The following ARRDC2 variants were observed in gnomAD, a reference collection of about 807,000 sequenced individuals.
The protein encoded by ARRDC2 is arrestin domain-containing protein 2.
Under a neutral mutation model 38.9 loss-of-function variants are expected in ARRDC2, and 39 were observed. That is an observed-to-expected ratio of 1.00 (90% CI 0.78 to 1.31). The LOEUF (loss-of-function observed/expected upper bound fraction) is 1.31, where lower values mean the gene tolerates loss of function less well. Among genes scored for constraint, ARRDC2 ranks in the 50% most tolerant of loss-of-function variants. The pLI, the probability that ARRDC2 is intolerant of heterozygous loss-of-function variation, is 0.00. For missense variants in ARRDC2, 553 were observed against 588.4 expected, an observed-to-expected ratio of 0.94 and a Z score of 0.62; for synonymous variants, 300 against 261.9, an observed-to-expected ratio of 1.15 and a Z score of -1.41.
chr19:18,008,116 A>ACGCCC, upstream of ARRDC2: 630 of 522,462 alleles, frequency 1.2e-3, no homozygotes, highest in Non-Finnish European at 1.7e-3. Flanking sequence ...AGAGACGGTG[A>ACGCCC]CCCCACCCCC....
At position 18,009,008 on chromosome 19, in the gene ARRDC2, G is replaced by A. The variant is rs1232132787; in HGVS notation, c.379G>A (p.Val127Ile). The A allele has an allele frequency of 5.0e-6, 8 of 1,613,728 alleles. No homozygotes were observed. Among genetic ancestry groups the A allele is most frequent in the Non-Finnish European group, 6.8e-6 (8 of 1,180,008 alleles). ...VTSFEGKHGS[V>I]RYCIKATLHR... ...ATCCTTCGAGGGCAAACACGGTAGT[G>A]TCCGCTACTGTATCAAGGCCACCCT... The change falls in exon 3 of 8, where the codon GTC (valine) becomes ATC (isoleucine). Residue 127 changes from valine to isoleucine, a missense_variant. Physicochemically the swap from Val to Ile is conservative, Grantham distance 29. Transcript: ENST00000222250.
chr19:18,005,388 C>T (rs370576658), upstream of ARRDC2, among the ~76,000 whole-genome samples: 17 of 151,724 alleles, frequency 1.1e-4, no homozygotes, highest in East Asian at 1.4e-3. Context: ...CCATGTCTAC[C>T]TCTTTCTACA....
chr19:18,010,073 C>T (rs1324671839), intron 5 of ARRDC2, 34 bp downstream of exon 5: 15 of 1,604,764 alleles, frequency 9.3e-6, no homozygotes, highest in Non-Finnish European at 1.1e-5. Flanking sequence ...GGGACAGTGC[C>T]TACATTCACC....
At position 18,001,365 on chromosome 19, in the gene ARRDC2, G is replaced by C. The variant is rs1423645692; in HGVS notation, c.51G>C (p.Pro17=). Residue 17 remains proline (P), a synonymous_variant, in exon 1 of 8, where the codon CCG becomes CCC. Coordinates refer to the ARRDC2 transcript ENST00000379656. ...TCGCGCTGGAGCTGGCGCGGGGCCC[G>C]GGCGGCGCCTACCGCGGCGGGGAGC... 8.3e-6 allele frequency: 10 copies of C among 1,199,852 alleles called. No homozygotes were observed. The African/African-American group carries it at 9.5e-5, about 11-fold the overall frequency. The allele number at this position is 1,199,852 out of a possible 1,614,324, so 74.3% of individuals were successfully genotyped here.
intron 2 of ARRDC2, 29 bp from the exon 3 acceptor site, chr19:18,008,941 GT>G (rs1406566070): frequency 6.2e-7 from 1 of 1,611,466 alleles, no homozygotes; most frequent in Non-Finnish European, 8.5e-7. Flanking sequence ...TCTGTATCTT[GT>G]CCCCTGAAGT....
In ARRDC2 at chr19:18,009,059, C is replaced by G; in HGVS notation, c.430C>G (p.Arg144Gly). ...GCACCGGCCCTGGGTCCCAGCACGCCGGGCAAGGAAGGTGTTCACTGTCAT... is the reference window on the plus strand; with the variant it reads ...GCACCGGCCCTGGGTCCCAGCACGCGGGGCAAGGAAGGTGTTCACTGTCAT... ...TLHRPWVPARRARKVFTVIEP... is the reference protein window; with the variant it reads ...TLHRPWVPARGARKVFTVIEP... Residue 144 changes from arginine to glycine, a missense_variant, in exon 3 of 8, where the codon CGG becomes GGG. Coordinates refer to ENST00000222250, the MANE Select transcript of ARRDC2 (RefSeq NM_015683.2). 2 of 1,613,540 alleles carry G rather than the reference C, an allele frequency of 1.2e-6. No homozygotes were observed. Among genetic ancestry groups the G allele is most frequent in the South Asian group, 2.2e-5 (2 of 91,084 alleles).
intron 1 of ARRDC2, chr19:18,001,597 C>T (rs2033188052): frequency 4.6e-6 from 6 of 1,303,764 alleles, no homozygotes; most frequent in Non-Finnish European, 5.9e-6. Flanking sequence ...CGCGCCGCCC[C>T]CGCAGCAGCC....
At chr19:18,009,512 T>C in intron 3 of ARRDC2, 80 bp from the exon 4 acceptor site, 2 of 1,302,682 alleles carry the variant, frequency 1.5e-6, no homozygotes, top group South Asian at 1.4e-5. Flanking sequence ...CTCCCTCAGC[T>C]GGGGGTGGTT....
chr19:18,011,953 T>TATATATA lies in ARRDC2; in HGVS notation c.1171-960_1171-959insATATATA, dbSNP rs371727974. On this transcript the variant is annotated intron_variant, in intron 7 of 7. Coordinates refer to ENST00000222250, the MANE Select transcript of ARRDC2 (RefSeq NM_015683.2). Reference sequence around the variant, plus strand: ...ATATGTGTATATATATATATATATATTTTTTTTTTTTTTTTTTTTTTGAGA... The same window carrying TATATATA: ...ATATGTGTATATATATATATATATATATATATATTTTTTTTTTTTTTTTTTTTTGAGA... 3.9e-3 allele frequency among the ~76,000 whole-genome samples: 246 copies of TATATATA among 63,094 alleles called. 1 individual carries two copies. Among genetic ancestry groups the TATATATA allele is most frequent in the African/African-American group, 0.014 (211 of 14,816 alleles). The allele number at this position is 63,094 out of a possible 152,430, so 41.4% of individuals were successfully genotyped here. A position where few individuals can be genotyped will look rare whatever the true frequency, so the allele number is the denominator to read the frequency against.
At chr19:18,008,116 A>ACGCCCCCCCCCCCC, upstream of ARRDC2, 1 of 522,500 alleles carries the variant, frequency 1.9e-6, no homozygotes, top group Non-Finnish European at 2.9e-6. Flanking sequence ...AGAGACGGTG[A>ACGCCCCCCCCCCCC]CCCCACCCCC....
chr19:18,007,906 T>C (rs1030440036), upstream of ARRDC2: 1 of 299,838 alleles, frequency 3.3e-6, no homozygotes, highest in African/African-American at 2.3e-5. Flanking sequence ...GCCCTGCCTC[T>C]GCACCTCTTT....
upstream of ARRDC2, chr19:18,007,909 ACCTCTTTTTTT>A (rs1384677311): frequency 3.3e-6 from 1 of 299,902 alleles, no homozygotes; most frequent in African/African-American, 2.3e-5. Flanking sequence ...CTGCCTCTGC[ACCTCTTTTTTT>A]CCTCTTTACC....
chr19:18,002,900 C>T (rs150001890), intron 1 of ARRDC2, among the ~76,000 whole-genome samples: 6,050 of 152,054 alleles, frequency 0.04, 383 homozygotes, highest in African/African-American at 0.14. Flanking sequence ...GTCAGGAGTT[C>T]GAGACCAGCC....
chr19:18,011,954 T>TATATATA (rs1476473694), intron 7 of ARRDC2, among the ~76,000 whole-genome samples: 9 of 84,286 alleles, frequency 1.1e-4, no homozygotes, highest in South Asian at 1.1e-3. Flanking sequence ...ATATATATAT[T>TATATATA]TTTTTTTTTT....
intron 1 of ARRDC2, 43 bp downstream of exon 1, chr19:18,008,627 C>T: frequency 6.3e-7 from 1 of 1,599,706 alleles, no homozygotes; most frequent in Non-Finnish European, 8.5e-7. Flanking sequence ...TTGTGTGCCT[C>T]CCACCACCTG....
chr19:18,003,800 C>T (rs369864081), upstream of ARRDC2, among the ~76,000 whole-genome samples: 10 of 152,130 alleles, frequency 6.6e-5, no homozygotes, highest in East Asian at 1.4e-3. Flanking sequence ...CCACCACGCC[C>T]GGCTAATTTT....
exon 1 of ARRDC2, chr19:18,001,257 G>A: frequency 8.7e-7 from 1 of 1,153,844 alleles, no homozygotes; most frequent in Non-Finnish European, 1.1e-6. Flanking sequence ...ATCTGCAGGC[G>A]CGCCCGGGCC....
chr19:18,012,198 A>G (rs920622426), intron 7 of ARRDC2, among the ~76,000 whole-genome samples: 2 of 150,456 alleles, frequency 1.3e-5, no homozygotes, highest in African/African-American at 4.9e-5. Flanking sequence ...ACCTCAGGTG[A>G]TCTGCCTGCC....
upstream of ARRDC2, among the ~76,000 whole-genome samples, chr19:18,005,525 G>C (rs1464051349): frequency 6.9e-6 from 1 of 144,794 alleles, no homozygotes; most frequent in East Asian, 2.6e-4. Flanking sequence ...CAGACGGGGT[G>C]GTGGCCGGGC....
Sources: gnomAD v4.1 joint callset for allele counts (sites outside exome capture counted in the v4.1 genomes callset) on GRCh38, gnomAD v4.1.1 for gene constraint, MANE v1.5 for transcripts, NCBI Gene and HGNC (gene_info 2026-07-23, HGNC 2026-07-21) for gene names.